PASK: variants seen among roughly 807,000 people sequenced by gnomAD.
PASK encodes the protein PAS domain containing serine/threonine kinase, also known as PAS domain-containing serine/threonine-protein kinase.
A neutral mutation model predicts 121.0 loss-of-function variants in PASK; 110 were observed. The ratio of observed to expected loss-of-function variants is 0.91; its 90% CI spans 0.78 to 1.06. The LOEUF is 1.06. Among genes scored for constraint, PASK ranks in the 50% least tolerant of loss-of-function variants. PASK has a pLI of 0.00. For missense variants in PASK, 1,643 were observed against 1,702.3 expected, an observed-to-expected ratio of 0.97 and a Z score of 0.61; for synonymous variants, 686 against 717.8, an observed-to-expected ratio of 0.96 and a Z score of 0.71.
chr2:241,124,384 C>T (rs760973258), intron 10 of PASK, among the ~76,000 whole-genome samples: 51 of 152,332 alleles, frequency 3.3e-4, no homozygotes, highest in African/African-American at 1.2e-3. Context: ...CCTGCAACAA[C>T]CACACCTCCT....
intron 9 of PASK, among the ~76,000 whole-genome samples, chr2:241,129,946 G>C (rs1032051569): frequency 5.3e-5 from 8 of 152,218 alleles, no homozygotes; most frequent in Non-Finnish European, 4.4e-5. Flanking sequence ...GATGCCCAGT[G>C]TAACAATTCA....
chr2:241,119,530 C>T (rs901526864), intron 12 of PASK, among the ~76,000 whole-genome samples: 8 of 147,776 alleles, frequency 5.4e-5, no homozygotes, highest in South Asian at 2.1e-4. Flanking sequence ...AGTGCAGTGG[C>T]GCAATCTCGG....
At chr2:241,140,412 G>C in intron 3 of PASK, 109 bp downstream of exon 3, 2 of 859,760 alleles carry the variant, frequency 2.3e-6, no homozygotes, top group Non-Finnish European at 3.9e-6. Context: ...CCCACCTCCC[G>C]AAGTGCCCAA....
chr2:241,119,024 C>T, intron 12 of PASK: 1 of 844,780 alleles, frequency 1.2e-6, no homozygotes, highest in Non-Finnish European at 1.4e-6. Flanking sequence ...GCAGCCCGTT[C>T]CCAGCCCTGA....
chr2:241,140,223 G>A lies in PASK; in HGVS notation c.430-168C>T, dbSNP rs536461359. On this transcript the variant is annotated intron_variant, in intron 3 of 17. Transcript: ENST00000234040. Reference sequence around the variant, plus strand: ...TGGCGCAATCAGAGCTCACTGCAGCGGCGCAATCAGAGCTCACTGCAACCT... The same window carrying A: ...TGGCGCAATCAGAGCTCACTGCAGCAGCGCAATCAGAGCTCACTGCAACCT... Among the ~76,000 whole-genome samples, 269 of 109,792 alleles carry A rather than the reference G, an allele frequency of 2.5e-3. 3 individuals carry two copies. The highest frequency in any genetic ancestry group is 9.7e-3 in the African/African-American group (220 of 22,662). The allele number at this position is 109,792 out of a possible 152,430, so 72.0% of individuals were successfully genotyped here.
chr2:241,142,749 C>T (rs1413555714), intron 2 of PASK, 88 bp downstream of exon 2: 2 of 1,034,384 alleles, frequency 1.9e-6, no homozygotes, highest in Non-Finnish European at 3.0e-6. Context: ...GACTTCAATC[C>T]CTGGTGAGAG....
At chr2:241,149,198 C>A (rs1227624162) in intron 1 of PASK, among the ~76,000 whole-genome samples, 1 of 152,114 alleles carries the variant, frequency 6.6e-6, no homozygotes, top group Non-Finnish European at 1.5e-5. Flanking sequence ...CCAGGGCCAA[C>A]GGCCGCAACC....
At chr2:241,136,131 G>T in intron 7 of PASK, 92 bp from the exon 8 acceptor site, 1 of 1,140,906 alleles carries the variant, frequency 8.8e-7, no homozygotes, top group Non-Finnish European at 1.3e-6. Flanking sequence ...CACAAGGAGA[G>T]CCAGTCCCTG....
chr2:241,124,007 C>G lies in PASK; in HGVS notation c.2846G>C (p.Ser949Thr), dbSNP rs1303501109. ...GGTAGAGTGGGTGGAGCCGGGCAGG[C>G]TGGCAAGGAACAGGCGGGTCCTGGC... ...SAARTRLFLA[S>T]LPGSTHSTAA... Residue 949 changes from serine to threonine, a missense_variant, in exon 11 of 18, where the codon AGC becomes ACC. Ser to Thr is a moderately conservative substitution (Grantham distance 58, BLOSUM62 1). This residue lies in a region of PASK where 453 missense variants were observed against 511.2 expected (regional missense o/e 0.89). Transcript: ENST00000234040. The G allele has an allele frequency of 1.9e-6, 3 of 1,614,020 alleles. No individual in the cohort carries two copies. Among genetic ancestry groups the G allele is most frequent in the Non-Finnish European group, 8.5e-7 (1 of 1,180,020 alleles).
At chr2:241,124,228 T>C (rs1422286500) in intron 10 of PASK, 95 bp from the exon 11 acceptor site, 12 of 983,568 alleles carry the variant, frequency 1.2e-5, no homozygotes, top group Non-Finnish European at 1.9e-5. Flanking sequence ...AATGCAACAG[T>C]CCAATCCCCA....
In PASK at chr2:241,119,379, C is replaced by A. The variant is rs2065506586; in HGVS notation, c.3072+3353G>T. Among the ~76,000 whole-genome samples, 2 of 152,104 alleles carry A rather than the reference C, an allele frequency of 1.3e-5. 1 individual carries two copies. The highest frequency in any genetic ancestry group is 3.9e-4 in the East Asian group (2 of 5,178). On this transcript the variant is annotated intron_variant, in intron 12 of 17. Coordinates refer to ENST00000234040, the MANE Select transcript of PASK (RefSeq NM_015148.4). The stretch of plus-strand genomic sequence containing the variant: ...TGGCTGGCTAGTTGGGCATCATGTG[C>A]CCACCCTCCAAGGGCCTCCTCTACA...
At chr2:241,128,398 A>G (rs1043238855) in intron 9 of PASK, among the ~76,000 whole-genome samples, 1 of 152,232 alleles carries the variant, frequency 6.6e-6, no homozygotes, top group African/African-American at 2.4e-5. Flanking sequence ...GTGACCCATG[A>G]GGAGGCTGCC....
chr2:241,149,381 C>A (rs2067170846), intron 1 of PASK, 33 bp downstream of exon 1: 2 of 400,458 alleles, frequency 5.0e-6, no homozygotes, highest in Non-Finnish European at 9.1e-6. Context: ...GATGGCGGAG[C>A]CCGGCCCGCT....
chr2:241,107,360 G>C lies in PASK; in HGVS notation c.3807C>G (p.Asn1269Lys), dbSNP rs144229247. 1 of 1,613,910 alleles carries C rather than the reference G, an allele frequency of 6.2e-7. No homozygotes were observed. Among genetic ancestry groups the C allele is most frequent in the Non-Finnish European group, 8.5e-7 (1 of 1,179,792 alleles). Residue 1269 changes from asparagine to lysine, a missense_variant, in exon 17 of 18, where the codon AAC (asparagine) becomes AAG (lysine). By Grantham distance (94) the Asn-to-Lys change is moderately conservative. Transcript: ENST00000234040. The stretch of plus-strand genomic sequence containing the variant: ...GATGCTGAGAAGCCTCACCTGGCTT[G>C]TTTACTCGAAACACCTCTTCCCATG... The part of the protein sequence containing the change: ...DYTWEEVFRV[N>K]KPESGVLSAA...
chr2:241,126,598 A>C lies in PASK; in HGVS notation c.2317T>G (p.Leu773Val). Residue 773 changes from leucine to valine, a missense_variant, in exon 10 of 18, where the codon TTG becomes GTG. Physicochemically the swap from Leu to Val is conservative, Grantham distance 32. Around this residue, in one of 3 missense-constraint regions of PASK, gnomAD observed 1,176 missense variants for 1,162.2 expected, o/e 1.01. Transcript: ENST00000234040. ...ACATCTGGATCGGAGCCCACTGCCA[A>C]GGAAGAGGGTGTCTCTCTGAGTTCA... ...TSELRETPSS[L>V]AVGSDPDVGS... is the part of the protein sequence containing the mutation. The C allele has an allele frequency of 6.2e-7, 1 of 1,614,226 alleles. No homozygotes were observed.
chr2:241,130,074 C>G (rs2066056437), intron 9 of PASK, among the ~76,000 whole-genome samples: 1 of 152,218 alleles, frequency 6.6e-6, no homozygotes, highest in Non-Finnish European at 1.5e-5. Flanking sequence ...CAAAAGCACT[C>G]CGTACAGCTC....
intron 4 of PASK, 129 bp from the exon 5 acceptor site, chr2:241,138,923 C>T: frequency 1.2e-6 from 1 of 861,828 alleles, no homozygotes; most frequent in Non-Finnish European, 1.9e-6. Flanking sequence ...ACCTGATTTT[C>T]ATTTCAGAAA....
intron 1 of PASK, among the ~76,000 whole-genome samples, chr2:241,147,570 G>A (rs2067010983): frequency 6.6e-6 from 1 of 152,112 alleles, no homozygotes; most frequent in Non-Finnish European, 1.5e-5. Context: ...GCAGTGAGAG[G>A]ACACAGCACC....
rs2065148874 is a variant in PASK, at chr2:241,112,476, G to A, written c.3334-37C>T. 12 of 1,362,630 alleles carry A rather than the reference G, an allele frequency of 8.8e-6. No homozygotes were observed. Among genetic ancestry groups the A allele is most frequent in the Middle Eastern group, 4.1e-4 (2 of 4,864 alleles). 84.4% of individuals were successfully genotyped at this position (1,362,630 alleles called of 1,614,324 possible). A position where few individuals can be genotyped will look rare whatever the true frequency, so the allele number is the denominator to read the frequency against. On this transcript the variant is annotated intron_variant, in intron 14 of 17. Coordinates refer to ENST00000234040, the MANE Select transcript of PASK (RefSeq NM_015148.4). The surrounding 1 kb of genome is among the most constrained non-coding windows in gnomAD (Gnocchi z 5.2). ...AGGCCAGAGGGGGCTTTTTAAAAAA[G>A]CAATTCAACTAAAATATGCATTTAA...
Sources: gnomAD v4.1 joint callset for allele counts (sites outside exome capture counted in the v4.1 genomes callset) on GRCh38, gnomAD v4.1.1 for gene constraint, gnomAD v4.1.1 regional missense constraint, Gnocchi (gnomAD v3.1) non-coding constraint, MANE v1.5 for transcripts, NCBI Gene and HGNC (gene_info 2026-07-23, HGNC 2026-07-21) for gene names.